Variants in DNAI4 observed in about 807,000 individuals in gnomAD.
DNAI4 encodes the protein dynein axonemal intermediate chain 4, also known as WD repeat domain 78.
In DNAI4, 85 loss-of-function variants were observed where a neutral mutation model predicts 105.8. That is an observed-to-expected ratio of 0.80 (90% confidence interval 0.67 to 0.96). DNAI4 has a LOEUF of 0.96. DNAI4 is among the 40% of genes least tolerant of loss of function. DNAI4 has a pLI of 0.00. For synonymous variants in DNAI4, 352 were observed against 331.5 expected (o/e 1.06, Z -0.67); for missense variants, 1,014 against 1,005.6 (o/e 1.01, Z -0.11).
chr1:66,919,902 T>C lies in DNAI4; in HGVS notation c.170+4760A>G, dbSNP rs139260447. On this transcript the variant is annotated intron_variant, in intron 1 of 16. Coordinates refer to ENST00000371026, the MANE Select transcript of DNAI4 (RefSeq NM_024763.5). ...CCATTAAAACACTAAGAGCTAATCA[T>C]AGGATTGTCCAACCCTTCCCCTCCC... Among the ~76,000 whole-genome samples, 402 of 152,280 alleles carry C rather than the reference T, an allele frequency of 2.6e-3. 1 individual carries two copies. Among genetic ancestry groups the C allele is most frequent in the African/African-American group, 9.3e-3 (387 of 41,542 alleles).
intron 2 of DNAI4, among the ~76,000 whole-genome samples, chr1:66,904,514 A>G (rs1569855328): frequency 1.3e-5 from 2 of 152,126 alleles, no homozygotes; most frequent in African/African-American, 4.8e-5. Flanking sequence ...GTATTTTGCT[A>G]ATTTTTAAAA....
At chr1:66,888,570 G>T (rs1439004334) in intron 4 of DNAI4, among the ~76,000 whole-genome samples, 2 of 152,210 alleles carry the variant, frequency 1.3e-5, no homozygotes, top group East Asian at 3.9e-4. Flanking sequence ...GCAAGCGCCT[G>T]TATTCCCAGC....
At chr1:66,914,633 A>C (rs527762888) in intron 1 of DNAI4, among the ~76,000 whole-genome samples, 59 of 152,238 alleles carry the variant, frequency 3.9e-4, no homozygotes, top group African/African-American at 1.3e-3. Flanking sequence ...TAACATGCAC[A>C]TTTAAGGCTA....
rs550946468 is a variant in DNAI4, at chr1:66,906,163, G to A, written c.171-788C>T. 8.9e-4 allele frequency among the ~76,000 whole-genome samples: 135 copies of A among 151,948 alleles called. No homozygotes were observed. The South Asian group carries it at 0.026, about 29-fold the overall frequency. On this transcript the variant is annotated intron_variant, in intron 1 of 16. Coordinates refer to ENST00000371026, the MANE Select transcript of DNAI4 (RefSeq NM_024763.5). The stretch of plus-strand genomic sequence containing the variant: ...GTCTCAAACTCCTGGCCTCGTGATC[G>A]TCTCACCTCAGCCTCCCAAAGTGCT...
chr1:66,878,539 T>C (rs1000846775), intron 4 of DNAI4, among the ~76,000 whole-genome samples: 18 of 152,280 alleles, frequency 1.2e-4, no homozygotes, highest in African/African-American at 4.1e-4. Flanking sequence ...CTTCTAGGCT[T>C]TCTTAGTGGA....
intron 15 of DNAI4, among the ~76,000 whole-genome samples, chr1:66,826,088 G>A (rs1318887852): frequency 2.0e-5 from 3 of 152,164 alleles, no homozygotes; most frequent in African/African-American, 7.2e-5. Context: ...ATACCCCTCT[G>A]AATATTTTTG....
At chr1:66,827,316 A>T (rs900122773) in intron 14 of DNAI4, among the ~76,000 whole-genome samples, 1 of 152,118 alleles carries the variant, frequency 6.6e-6, no homozygotes, top group African/African-American at 2.4e-5. Context: ...AAAAAAAAGA[A>T]ATGAGGGAGA....
Position 66,833,567 on chromosome 1 carries a change from A to G in DNAI4, c.2013+18T>C, listed in dbSNP as rs1557904259. On this transcript the variant is annotated intron_variant, in intron 13 of 16. Transcript: ENST00000371026. ...GAAATTGTTATGTCCAGTGGTAAATAAGAGTGAAATAATTTACCTTGGGAT... is the reference window on the plus strand; with the variant it reads ...GAAATTGTTATGTCCAGTGGTAAATGAGAGTGAAATAATTTACCTTGGGAT... 4 of 1,611,222 alleles carry G rather than the reference A, an allele frequency of 2.5e-6. No individual in the cohort carries two copies. In the South Asian group the frequency reaches 4.4e-5, roughly 18 times the overall value.
chr1:66,858,256 G>A (rs1030036730), intron 7 of DNAI4, among the ~76,000 whole-genome samples: 5 of 151,836 alleles, frequency 3.3e-5, no homozygotes, highest in Admixed American at 2.6e-4. Flanking sequence ...TTGGCCGGGC[G>A]CGGTGGCTCA....
At chr1:66,858,932 G>A (rs1026468967) in intron 7 of DNAI4, among the ~76,000 whole-genome samples, 8 of 151,868 alleles carry the variant, frequency 5.3e-5, no homozygotes, top group African/African-American at 1.9e-4. Flanking sequence ...GGAGAAAATG[G>A]TGATAAGTTT....
At chr1:66,854,525 C>T (rs993889544) in intron 7 of DNAI4, among the ~76,000 whole-genome samples, 136 of 152,258 alleles carry the variant, frequency 8.9e-4, no homozygotes, top group African/African-American at 2.3e-3. Flanking sequence ...AGATCTTGGC[C>T]GGGTGCAGTG....
chr1:66,884,237 A>C (rs2100727153), intron 4 of DNAI4, among the ~76,000 whole-genome samples: 1 of 152,328 alleles, frequency 6.6e-6, no homozygotes, highest in South Asian at 2.1e-4. Context: ...TCTGTTGATG[A>C]ACATAAGTTG....
chr1:66,883,582 C>G (rs1045959277), intron 4 of DNAI4, among the ~76,000 whole-genome samples: 2 of 152,134 alleles, frequency 1.3e-5, no homozygotes, highest in Non-Finnish European at 2.9e-5. Context: ...TTGGCCCAAT[C>G]TGCATGAACT....
chr1:66,841,349 T>A (rs1041319570), intron 8 of DNAI4, among the ~76,000 whole-genome samples: 3 of 152,102 alleles, frequency 2.0e-5, no homozygotes, highest in Non-Finnish European at 4.4e-5. Context: ...TTTTTACCAA[T>A]AGACATTGCT....
chr1:66,875,651 T>G (rs1646944699), intron 4 of DNAI4, among the ~76,000 whole-genome samples: 1 of 152,152 alleles, frequency 6.6e-6, no homozygotes, highest in South Asian at 2.1e-4. Context: ...GAGAGTTCAA[T>G]GTTTTCTATC....
Position 66,846,048 on chromosome 1 carries a change from G to C in DNAI4, c.1291+1436C>G, listed in dbSNP as rs568026308. The stretch of plus-strand genomic sequence containing the variant: ...TAAATCTTACCTCAATAAAACATTT[G>C]CTATGGTATTTTTATTTCTTAGATG... On this transcript the variant is annotated intron_variant, in intron 8 of 16. Transcript: ENST00000371026. 2.6e-5 allele frequency among the ~76,000 whole-genome samples: 4 copies of C among 152,044 alleles called. No individual in the cohort carries two copies. The East Asian group carries it at 7.7e-4, about 29-fold the overall frequency.
chr1:66,823,184 T>A (rs1363806349), intron 15 of DNAI4, among the ~76,000 whole-genome samples: 2 of 138,148 alleles, frequency 1.4e-5, no homozygotes, highest in Non-Finnish European at 3.2e-5. Flanking sequence ...TTGCGATAGT[T>A]TGCTGAGAAT....
intron 8 of DNAI4, among the ~76,000 whole-genome samples, chr1:66,845,217 T>TAAAAAAAAAAAAAAAAAA (rs869249698): frequency 5.2e-5 from 2 of 38,106 alleles, no homozygotes; most frequent in East Asian, 5.7e-4. Context: ...AAAGAAAAAT[T>TAAAAAAAAAAAAAAAAAA]AAAAAAAAAA....
intron 1 of DNAI4, among the ~76,000 whole-genome samples, chr1:66,920,748 T>C (rs1248350878): frequency 6.6e-6 from 1 of 152,190 alleles, no homozygotes; most frequent in Non-Finnish European, 1.5e-5. Flanking sequence ...ACAGGGCTCC[T>C]GTATAATAAT....
Sources: allele counts gnomAD v4.1 joint callset (sites outside exome capture counted in the v4.1 genomes callset), GRCh38; gene constraint gnomAD v4.1.1; transcripts MANE v1.5; gene names NCBI Gene and HGNC (gene_info 2026-07-23, HGNC 2026-07-21).